Variants in MDGA2 observed in about 807,000 individuals in gnomAD.
MDGA2 encodes MAM domain-containing glycosylphosphatidylinositol anchor protein 2.
Under a neutral mutation model 117.8 loss-of-function variants are expected in MDGA2, and 40 were observed. The observed-to-expected ratio is 0.34, with a 90% CI of 0.26 to 0.44. MDGA2 has a LOEUF of 0.44. Ranked by LOEUF, MDGA2 falls within the 20% of genes least tolerant of loss-of-function variation. The probability of loss-of-function intolerance (pLI) is 1.00; values close to 1 mark genes in which losing one functional copy is unlikely to be tolerated. For synonymous variants in MDGA2, 452 were observed against 439.0 expected, an observed-to-expected ratio of 1.03 and a Z score of -0.37; for missense variants, 1,123 against 1,250.6, an observed-to-expected ratio of 0.90 and a Z score of 1.54.
chr14:47,332,546 T>A lies in MDGA2; in HGVS notation c.281-30996A>T, dbSNP rs191920046. Among the ~76,000 whole-genome samples, 7 of 144,050 alleles carry A rather than the reference T, an allele frequency of 4.9e-5. No individual in the cohort carries two copies. In the East Asian group the frequency reaches 1.4e-3, roughly 28 times the overall value. 94.5% of individuals were successfully genotyped at this position (144,050 alleles called of 152,430 possible). On this transcript the variant is annotated intron_variant, in intron 1 of 16. Coordinates refer to ENST00000399232, the MANE Select transcript of MDGA2 (RefSeq NM_001113498.3). ...CAAGTCCTATTGAAAGAAAAAGATGTAAAGCACTTAAAAAAAATTCAAAAC... is the reference window on the plus strand; with the variant it reads ...CAAGTCCTATTGAAAGAAAAAGATGAAAAGCACTTAAAAAAAATTCAAAAC...
intron 3 of MDGA2, among the ~76,000 whole-genome samples, chr14:47,169,092 A>G (rs951008541): frequency 6.6e-6 from 1 of 151,922 alleles, no homozygotes; most frequent in African/African-American, 2.4e-5. Context: ...TTTCATATGA[A>G]CTTACCAAAA....
intron 1 of MDGA2, among the ~76,000 whole-genome samples, chr14:47,629,755 T>C (rs1418555591): frequency 6.6e-6 from 1 of 152,224 alleles, no homozygotes; most frequent in Non-Finnish European, 1.5e-5. Flanking sequence ...CCTTTCTTCC[T>C]AAAGGAATAA....
At chr14:47,504,768 T>C (rs1203997801) in intron 1 of MDGA2, among the ~76,000 whole-genome samples, 1 of 152,166 alleles carries the variant, frequency 6.6e-6, no homozygotes, top group Non-Finnish European at 1.5e-5. Context: ...AGTACAGCCA[T>C]TATGGAAAAC....
At chr14:47,651,195 C>CTG (rs1244148216) in intron 1 of MDGA2, among the ~76,000 whole-genome samples, 17 of 141,776 alleles carry the variant, frequency 1.2e-4, no homozygotes, top group Admixed American at 1.2e-3. Flanking sequence ...AAGGGAGATT[C>CTG]TGTGTGTGTG....
chr14:46,893,755 GTAATC>G (rs894603492), intron 10 of MDGA2, among the ~76,000 whole-genome samples: 4 of 151,988 alleles, frequency 2.6e-5, no homozygotes, highest in African/African-American at 7.2e-5. Context: ...AATTAAAAAT[GTAATC>G]ATAGAGATTG....
chr14:46,916,676 C>T (rs1454280876), intron 10 of MDGA2, among the ~76,000 whole-genome samples: 3 of 152,016 alleles, frequency 2.0e-5, no homozygotes, highest in Non-Finnish European at 4.4e-5. Context: ...CTACGTGCTC[C>T]TTCTCTTCTT....
chr14:47,295,620 T>C (rs546317812), intron 2 of MDGA2, among the ~76,000 whole-genome samples: 2 of 152,282 alleles, frequency 1.3e-5, no homozygotes, highest in African/African-American at 4.8e-5. Context: ...AAATGTATTA[T>C]AGGCCGGGCG....
intron 5 of MDGA2, among the ~76,000 whole-genome samples, chr14:47,124,714 C>A (rs1449365354): frequency 6.6e-6 from 1 of 151,966 alleles, no homozygotes; most frequent in Non-Finnish European, 1.5e-5. Context: ...AGACTCTAAT[C>A]AAATATGGCT....
chr14:47,505,167 CACAGAA>C (rs367684264), intron 1 of MDGA2, among the ~76,000 whole-genome samples: 294 of 152,136 alleles, frequency 1.9e-3, no homozygotes, highest in Non-Finnish European at 3.7e-3. Context: ...AAGTGGACAT[CACAGAA>C]ACAGAGAGTA....
chr14:47,372,359 G>A (rs1364095215), intron 1 of MDGA2, among the ~76,000 whole-genome samples: 1 of 151,792 alleles, frequency 6.6e-6, no homozygotes, highest in Non-Finnish European at 1.5e-5. Context: ...AATATGTAAA[G>A]AGCTCCAATA....
At chr14:47,200,830 C>G (rs1282221257) in intron 3 of MDGA2, 1 of 807,494 alleles carries the variant, frequency 1.2e-6, no homozygotes, top group Non-Finnish European at 2.2e-6. Context: ...CAGCAGGAGC[C>G]ACCATCCATT....
rs376724882 is a variant in MDGA2, at chr14:47,242,789, C to A, written c.421-24594G>T. Among the ~76,000 whole-genome samples the A allele has an allele frequency of 4.1e-4, 63 of 151,998 alleles. 1 individual carries two copies. Among genetic ancestry groups the A allele is most frequent in the African/African-American group, 1.0e-3 (43 of 41,540 alleles). Reference sequence around the variant, plus strand: ...ACGAGCACCACCCCCTGCTCCAGGGCACCGAGTCCCATCGACCACCCAAGG... The same window carrying A: ...ACGAGCACCACCCCCTGCTCCAGGGAACCGAGTCCCATCGACCACCCAAGG... On this transcript the variant is annotated intron_variant, in intron 2 of 16. Transcript: ENST00000399232.
chr14:46,886,181 T>C (rs1882669079), intron 10 of MDGA2, among the ~76,000 whole-genome samples: 1 of 152,136 alleles, frequency 6.6e-6, no homozygotes, highest in South Asian at 2.1e-4. Flanking sequence ...AAAGCCATGT[T>C]ACAATGAGAA....
chr14:47,150,907 G>C (rs139203422), intron 3 of MDGA2, among the ~76,000 whole-genome samples: 3,633 of 137,068 alleles, frequency 0.027, 146 homozygotes, highest in African/African-American at 0.096. Flanking sequence ...CTGGGTGACA[G>C]AGCAAGACTC....
rs376581133 is a variant in MDGA2, at chr14:47,342,539, C to T, written c.281-40989G>A. On this transcript the variant is annotated intron_variant, in intron 1 of 16. Transcript: ENST00000399232. ...AACCTAGAACTAGGAAAATATACTCCTTTCAGAATATTGTTTTCTTATATC... is the reference window on the plus strand; with the variant it reads ...AACCTAGAACTAGGAAAATATACTCTTTTCAGAATATTGTTTTCTTATATC... Among the ~76,000 whole-genome samples, 128 of 152,084 alleles carry T rather than the reference C, an allele frequency of 8.4e-4. 3 individuals are homozygous for T. The East Asian group carries it at 0.022, about 27-fold the overall frequency.
intron 1 of MDGA2, among the ~76,000 whole-genome samples, chr14:47,596,094 G>A (rs1313661085): frequency 6.6e-6 from 1 of 152,150 alleles, no homozygotes; most frequent in East Asian, 1.9e-4. Flanking sequence ...GGGACATAAT[G>A]GAAGTATTCT....
chr14:47,463,498 A>C (rs1421977272), intron 1 of MDGA2, among the ~76,000 whole-genome samples: 1 of 152,212 alleles, frequency 6.6e-6, no homozygotes, highest in African/African-American at 2.4e-5. Flanking sequence ...CATGCAAATG[A>C]AGCACCTGAT....
At chr14:47,663,215 A>C (rs567656038) in intron 1 of MDGA2, among the ~76,000 whole-genome samples, 6 of 152,236 alleles carry the variant, frequency 3.9e-5, no homozygotes, top group Non-Finnish European at 7.3e-5. Context: ...TGGCAGTTGT[A>C]TCTCTCCATA....
intron 8 of MDGA2, among the ~76,000 whole-genome samples, chr14:47,008,394 A>G (rs1016454432): frequency 6.6e-6 from 1 of 151,882 alleles, no homozygotes; most frequent in South Asian, 2.1e-4. Context: ...GCTAAACAAT[A>G]TATCTGGCAT....
Sources: gnomAD v4.1 joint callset for allele counts (sites outside exome capture counted in the v4.1 genomes callset) on GRCh38, gnomAD v4.1.1 for gene constraint, MANE v1.5 for transcripts, NCBI Gene and HGNC (gene_info 2026-07-23, HGNC 2026-07-21) for gene names.